SCARF2: variants seen among roughly 807,000 people sequenced by gnomAD.
The protein encoded by SCARF2 is scavenger receptor expressed by endothelial cells 2 protein.
A neutral mutation model predicts 73.4 loss-of-function variants in SCARF2; 39 were observed. The observed-to-expected ratio is 0.53, with a 90% CI of 0.41 to 0.69. The LOEUF (loss-of-function observed/expected upper bound fraction) is 0.69. SCARF2 is among the 30% of genes least tolerant of loss of function. The pLI is 0.00. For synonymous variants in SCARF2, 605 were observed against 590.0 expected, an observed-to-expected ratio of 1.03 and a Z score of -0.37; for missense variants, 1,148 against 1,303.5, an observed-to-expected ratio of 0.88 and a Z score of 1.84.
intron 10 of SCARF2, among the ~76,000 whole-genome samples, chr22:20,427,127 C>G (rs1335867239): frequency 1.3e-5 from 2 of 152,158 alleles, no homozygotes. Context: ...TCTGCCACCC[C>G]CTACCTAAGC....
Position 20,429,881 on chromosome 22 carries a change from GC to G in SCARF2, c.1203-49del, listed in dbSNP as rs764270816. 1.8e-4 allele frequency: 282 copies of G among 1,577,870 alleles called. 2 individuals are homozygous for G. The East Asian group carries it at 6.4e-3, about 36-fold the overall frequency. On this transcript the variant is annotated intron_variant, in intron 6 of 10. Coordinates refer to ENST00000622235, the MANE Select transcript of SCARF2 (RefSeq NM_182895.5). The surrounding 1 kb of genome is among the most constrained non-coding windows in gnomAD (Gnocchi z 5.2). Reference sequence around the variant, plus strand: ...CATGCCACAGCCGCCCCCCTAGGATGCCCCCTACCCTCACCCCTCACCCGCG... The same window carrying G: ...CATGCCACAGCCGCCCCCCTAGGATGCCCCTACCCTCACCCCTCACCCGCG...
At chr22:20,428,289 C>T (rs2146124609) in intron 9 of SCARF2, among the ~76,000 whole-genome samples, 1 of 139,760 alleles carries the variant, frequency 7.2e-6, no homozygotes. Context: ...CCTCTCCTCT[C>T]TTCTCTTCTC....
At position 20,427,468 on chromosome 22, in the gene SCARF2, C is replaced by A. The variant is rs373634974; in HGVS notation, c.1623G>T (p.Trp541Cys). The stretch of plus-strand genomic sequence containing the variant: ...ACGAGGAGAAGGAGGCCCGAGAGGA[C>A]CAGGATGGTGAGGGCTGCTCCAGCC... ...PSGLEQPSPS[W>C]SSRASFSSFD... The change falls in exon 10 of 11, where the codon TGG becomes TGT. Residue 541 changes from tryptophan (W) to cysteine (C), a missense_variant. Coordinates refer to ENST00000622235, the MANE Select transcript of SCARF2 (RefSeq NM_182895.5). 2.9e-5 allele frequency: 46 copies of A among 1,614,012 alleles called. No individual in the cohort carries two copies. The highest frequency in any genetic ancestry group is 3.7e-5 in the Non-Finnish European group (44 of 1,180,030).
At chr22:20,437,019 C>T (rs2146141403) in intron 1 of SCARF2, among the ~76,000 whole-genome samples, 1 of 152,316 alleles carries the variant, frequency 6.6e-6, no homozygotes, top group East Asian at 1.9e-4. Flanking sequence ...CTTCCGCCTC[C>T]CGCTTCTGGT....
Position 20,425,081 on chromosome 22 carries a change from T to C in SCARF2, c.*294A>G, listed in dbSNP as rs1273074305. 8.4e-6 allele frequency: 3 copies of C among 357,874 alleles called. No individual in the cohort carries two copies. The highest frequency in any genetic ancestry group is 4.1e-5 in the East Asian group (1 of 24,636). The allele number at this position is 357,874 out of a possible 1,614,324, so 22.2% of individuals were successfully genotyped here. A position where few individuals can be genotyped will look rare whatever the true frequency, so the allele number is the denominator to read the frequency against. The stretch of plus-strand genomic sequence containing the variant: ...GCGGTCTTTAAGCGGAACCCTCCCA[T>C]CTTTGGCCAATGAGACGCTGTCTGG... On this transcript the variant is annotated 3_prime_UTR_variant, in exon 11 of 11. Coordinates refer to ENST00000622235, the MANE Select transcript of SCARF2 (RefSeq NM_182895.5). The surrounding 1 kb of genome is among the most constrained non-coding windows in gnomAD (Gnocchi z 4.6).
Position 20,429,091 on chromosome 22 carries a change from C to T in SCARF2, c.1540+134G>A. On this transcript the variant is annotated intron_variant, in intron 9 of 10. Transcript: ENST00000622235. The surrounding 1 kb of genome is among the most constrained non-coding windows in gnomAD (Gnocchi z 5.2). ...TCTTACCTTCCCTCTGGTCGCACCTCCTCGCGCCCACGCACATCAACACTC... is the reference window on the plus strand; with the variant it reads ...TCTTACCTTCCCTCTGGTCGCACCTTCTCGCGCCCACGCACATCAACACTC... 8.3e-7 allele frequency: 1 copy of T among 1,207,662 alleles called. No individual in the cohort carries two copies. Among genetic ancestry groups the T allele is most frequent in the Non-Finnish European group, 1.2e-6 (1 of 830,922 alleles). 74.8% of individuals were successfully genotyped at this position (1,207,662 alleles called of 1,614,324 possible). A position where few individuals can be genotyped will look rare whatever the true frequency, so the allele number is the denominator to read the frequency against.
rs2052556625 is a variant in SCARF2 at position 20,425,114 on chromosome 22, G to A, written c.*261C>T. ...CAATGAGACGCTGTCTGGTCGGAGC[G>A]CTCCATAACTCGGCCAATGGGGAGG... On this transcript the variant is annotated 3_prime_UTR_variant, in exon 11 of 11. Transcript: ENST00000622235. The surrounding 1 kb of genome is among the most constrained non-coding windows in gnomAD (Gnocchi z 4.6). 2.6e-6 allele frequency: 1 copy of A among 386,070 alleles called. No homozygotes were observed. Among genetic ancestry groups the A allele is most frequent in the Non-Finnish European group, 4.6e-6 (1 of 218,304 alleles). The allele number at this position is 386,070 out of a possible 1,614,324, so 23.9% of individuals were successfully genotyped here. A position where few individuals can be genotyped will look rare whatever the true frequency, so the allele number is the denominator to read the frequency against.
chr22:20,437,554 C>T (rs370752142), intron 1 of SCARF2, 28 bp downstream of exon 1: 1 of 1,560,688 alleles, frequency 6.4e-7, no homozygotes, highest in Admixed American at 1.8e-5. Context: ...TCCCTCTCGC[C>T]CCCTCCCCCA....
rs188961686 is a variant in SCARF2, at chr22:20,427,539, C to T, written c.1552G>A (p.Asp518Asn). ...KLPKVVVAHHDLDNTLNCSFL... is the reference protein window; with the variant it reads ...KLPKVVVAHHNLDNTLNCSFL... Reference sequence around the variant, plus strand: ...CTGCAGTTGAGTGTGTTATCCAGGTCGTGGTGGGCCACTGGGGAAGGATGA... The same window carrying T: ...CTGCAGTTGAGTGTGTTATCCAGGTTGTGGTGGGCCACTGGGGAAGGATGA... The change falls in exon 10 of 11, where the codon GAC becomes AAC. Residue 518 changes from aspartate to asparagine, a missense_variant. Coordinates refer to ENST00000622235, the MANE Select transcript of SCARF2 (RefSeq NM_182895.5). The T allele has an allele frequency of 1.9e-6, 3 of 1,613,256 alleles. No homozygotes were observed. The highest frequency in any genetic ancestry group is 2.5e-6 in the Non-Finnish European group (3 of 1,179,992).
Position 20,437,712 on chromosome 22 carries a change from G to A in SCARF2, c.43C>T (p.Arg15Trp). 7.9e-6 allele frequency: 11 copies of A among 1,397,592 alleles called. No homozygotes were observed. Among genetic ancestry groups the A allele is most frequent in the Non-Finnish European group, 1.0e-5 (11 of 1,081,956 alleles). 86.6% of individuals were successfully genotyped at this position (1,397,592 alleles called of 1,614,324 possible). A position where few individuals can be genotyped will look rare whatever the true frequency, so the allele number is the denominator to read the frequency against. ...GGTGACGGCGGCCCCCCGGCTCCCC[G>A]GCGCCGCGCCGGCCCGGCCCCCCGG... is the stretch of plus-strand genomic sequence containing the variant. ...GPRGAGPARR[R>W]GAGGPPSPLL... Residue 15 changes from arginine to tryptophan, a missense_variant, in exon 1 of 11, where the codon CGG becomes TGG. Around this residue, in one of 5 missense-constraint regions of SCARF2, gnomAD observed 124 missense variants for 120.4 expected, o/e 1.03. Coordinates refer to ENST00000622235, the MANE Select transcript of SCARF2 (RefSeq NM_182895.5).
chr22:20,426,528 AC>A (rs1344828905), intron 10 of SCARF2, among the ~76,000 whole-genome samples: 1 of 152,186 alleles, frequency 6.6e-6, no homozygotes, highest in Non-Finnish European at 1.5e-5. Context: ...CTGAAGCCCA[AC>A]CTTGGCCTGG....
intron 9 of SCARF2, among the ~76,000 whole-genome samples, chr22:20,428,495 G>T (rs1411859569): frequency 6.6e-6 from 1 of 152,080 alleles, no homozygotes; most frequent in South Asian, 2.1e-4. Context: ...GTAGAGACCG[G>T]GTTTCTCCAT....
Position 20,427,495 on chromosome 22 carries a change from T to C in SCARF2, c.1596A>G (p.Ser532=), listed in dbSNP as rs777945096. ...TLNCSFLEPP[S]GLEQPSPSWS... ...AGGATGGTGAGGGCTGCTCCAGCCC[T>C]GAGGGTGGCTCCAGGAAGCTGCAGT... Residue 532 remains serine, a synonymous_variant, in exon 10 of 11, where the codon TCA becomes TCG. Transcript: ENST00000622235. 4 of 1,613,988 alleles carry C rather than the reference T, an allele frequency of 2.5e-6. No individual in the cohort carries two copies. The highest frequency in any genetic ancestry group is 3.4e-6 in the Non-Finnish European group (4 of 1,180,010).
intron 1 of SCARF2, among the ~76,000 whole-genome samples, chr22:20,433,717 G>A (rs1379715694): frequency 1.3e-5 from 2 of 152,262 alleles, no homozygotes; most frequent in African/African-American, 4.8e-5. Context: ...ACCAGAGACA[G>A]GAATACAAAG....
Position 20,425,594 on chromosome 22 carries a change from C to T in SCARF2, c.2382G>A (p.Arg794=). The change falls in exon 11 of 11, where the codon AGG becomes AGA. Residue 794 remains arginine (R), a synonymous_variant. Transcript: ENST00000622235. This position sits in a 1 kb window ranked among gnomAD's most constrained non-coding sequence, Gnocchi z 4.6. The part of the protein sequence containing the change: ...AEVALGAQGP[R]EKPAPPQKAK... ...CTTTCTGTGGGGGCGCCGGCTTTTCCCTGGGGCCCTGCGCGCCCAGGGCCA... is the reference window on the plus strand; with the variant it reads ...CTTTCTGTGGGGGCGCCGGCTTTTCTCTGGGGCCCTGCGCGCCCAGGGCCA... 2.2e-6 allele frequency: 3 copies of T among 1,337,990 alleles called. No homozygotes were observed. The highest frequency in any genetic ancestry group is 2.9e-6 in the Non-Finnish European group (3 of 1,048,190). 82.9% of individuals were successfully genotyped at this position (1,337,990 alleles called of 1,614,324 possible).
rs1164890958 is a variant in SCARF2, at chr22:20,425,315, G to A, written c.*60C>T. On this transcript the variant is annotated 3_prime_UTR_variant, in exon 11 of 11. Coordinates refer to ENST00000622235, the MANE Select transcript of SCARF2 (RefSeq NM_182895.5). This position sits in a 1 kb window ranked among gnomAD's most constrained non-coding sequence, Gnocchi z 4.6. ...GCCCGTGCCCGGTAGCGTGGGAGGT[G>A]TGGGGTGGCGGGCGGCGCTGCGAAG... 1.5e-6 allele frequency: 2 copies of A among 1,290,568 alleles called. No individual in the cohort carries two copies. Among genetic ancestry groups the A allele is most frequent in the Non-Finnish European group, 2.0e-6 (2 of 1,004,520 alleles). The allele number at this position is 1,290,568 out of a possible 1,614,324, so 79.9% of individuals were successfully genotyped here. A position where few individuals can be genotyped will look rare whatever the true frequency, so the allele number is the denominator to read the frequency against.
Position 20,429,372 on chromosome 22 carries a change from G to A in SCARF2, c.1425-32C>T, listed in dbSNP as rs1164087301. 3.8e-6 allele frequency: 6 copies of A among 1,568,178 alleles called. No homozygotes were observed. The highest frequency in any genetic ancestry group is 2.7e-5 in the African/African-American group (2 of 73,998). On this transcript the variant is annotated intron_variant, in intron 8 of 10. Coordinates refer to ENST00000622235, the MANE Select transcript of SCARF2 (RefSeq NM_182895.5). The surrounding 1 kb of genome is among the most constrained non-coding windows in gnomAD (Gnocchi z 5.2). ...GGGCGGGGTCTGAGCGGAGGGGCGG[G>A]GCCGGGGCGGGGCCCAGGGGCGATT... is the stretch of plus-strand genomic sequence containing the variant.
At position 20,429,950 on chromosome 22, in the gene SCARF2, C is replaced by T; in HGVS notation, c.1203-117G>A. The T allele has an allele frequency of 3.1e-6, 3 of 979,306 alleles. No individual in the cohort carries two copies. Among genetic ancestry groups the T allele is most frequent in the Non-Finnish European group, 4.6e-6 (3 of 654,924 alleles). The allele number at this position is 979,306 out of a possible 1,614,324, so 60.7% of individuals were successfully genotyped here. On this transcript the variant is annotated intron_variant, in intron 6 of 10. Transcript: ENST00000622235. This position sits in a 1 kb window ranked among gnomAD's most constrained non-coding sequence, Gnocchi z 5.2. The stretch of plus-strand genomic sequence containing the variant: ...AGGGTCCCAGAACCGGGCTCTCTCT[C>T]GCTGCATTCGTCGTCTAGGGATTGA...
At chr22:20,428,752 C>T (rs566222436) in intron 9 of SCARF2, among the ~76,000 whole-genome samples, 1 of 152,130 alleles carries the variant, frequency 6.6e-6, no homozygotes, top group Non-Finnish European at 1.5e-5. Context: ...ACCCCACCCC[C>T]CTATCCTGTT....
Sources: gnomAD v4.1 joint callset for allele counts (sites outside exome capture counted in the v4.1 genomes callset) on GRCh38, gnomAD v4.1.1 for gene constraint, gnomAD v4.1.1 regional missense constraint, Gnocchi (gnomAD v3.1) non-coding constraint, MANE v1.5 for transcripts, NCBI Gene and HGNC (gene_info 2026-07-23, HGNC 2026-07-21) for gene names.